CBLN2: variants seen among roughly 807,000 people sequenced by gnomAD.
CBLN2 encodes cerebellin 2 precursor, also known as cerebellin-2.
Under a neutral mutation model 15.0 loss-of-function variants are expected in CBLN2, and 7 were observed. The observed-to-expected ratio is 0.47, with a 90% CI of 0.27 to 0.88. The LOEUF is 0.88. CBLN2 is among the 40% of genes least tolerant of loss of function. The pLI, the probability that CBLN2 is intolerant of heterozygous loss-of-function variation, is 0.14. For synonymous variants in CBLN2, 149 were observed against 135.2 expected (o/e 1.10, Z -0.71); for missense variants, 242 against 304.5 (o/e 0.79, Z 1.53).
At chr18:72,541,677 A>G in intron 3 of CBLN2, 127 bp downstream of exon 3, 2 of 661,330 alleles carry the variant, frequency 3.0e-6, no homozygotes, top group Non-Finnish European at 4.9e-6. Flanking sequence ...GAAAGAGACT[A>G]GCAGGGCAGA....
chr18:72,606,018 G>T (rs2069581212), intron 1 of CBLN2, among the ~76,000 whole-genome samples: 1 of 152,196 alleles, frequency 6.6e-6, no homozygotes, highest in African/African-American at 2.4e-5. Context: ...CAATGTGGTT[G>T]ATGATGTGGA....
intron 1 of CBLN2, among the ~76,000 whole-genome samples, chr18:72,611,924 A>G (rs1330939773): frequency 1.3e-5 from 2 of 152,118 alleles, no homozygotes; most frequent in East Asian, 3.9e-4. Flanking sequence ...GGATATGGTG[A>G]GAGATAAAGA....
rs1938905530 is a variant in CBLN2 at position 72,542,184 on chromosome 18, C to T, written c.-24G>A. 8.3e-7 allele frequency: 1 copy of T among 1,207,812 alleles called. No homozygotes were observed. The highest frequency in any genetic ancestry group is 4.4e-5 in the Admixed American group (1 of 22,726). 74.8% of individuals were successfully genotyped at this position (1,207,812 alleles called of 1,614,324 possible). A position where few individuals can be genotyped will look rare whatever the true frequency, so the allele number is the denominator to read the frequency against. On this transcript the variant is annotated 5_prime_UTR_variant, in exon 3 of 5. Transcript: ENST00000269503. ...ATCGGGACTGGTGGGAGGCGGCGCG[C>T]GGGGGTGGAGGCCGGCGCCGGCGCG...
intron 1 of CBLN2, among the ~76,000 whole-genome samples, chr18:72,594,259 T>C (rs918166658): frequency 2.0e-5 from 3 of 152,164 alleles, no homozygotes; most frequent in African/African-American, 7.2e-5. Context: ...TCTGCACATG[T>C]ATCCCAGAAC....
chr18:72,562,936 T>G (rs2069271014), intron 1 of CBLN2, among the ~76,000 whole-genome samples: 1 of 152,256 alleles, frequency 6.6e-6, no homozygotes, highest in South Asian at 2.1e-4. Context: ...TCTAGGATAT[T>G]GAACCTAGAA....
chr18:72,539,562 T>C (rs970359192), intron 3 of CBLN2: 1 of 152,324 alleles, frequency 6.6e-6, no homozygotes, highest in African/African-American at 2.4e-5. Context: ...CTTAAGCTAA[T>C]GGGAACTCTA....
intron 1 of CBLN2, among the ~76,000 whole-genome samples, chr18:72,598,447 C>T (rs762472206): frequency 1.1e-4 from 17 of 152,228 alleles, no homozygotes; most frequent in Non-Finnish European, 2.4e-4. Flanking sequence ...CTTTCCTATC[C>T]TCTTTCCTCT....
At chr18:72,597,195 A>G (rs1232259793) in intron 1 of CBLN2, among the ~76,000 whole-genome samples, 1 of 152,128 alleles carries the variant, frequency 6.6e-6, no homozygotes, top group African/African-American at 2.4e-5. Flanking sequence ...ATGTATTTGA[A>G]GTGACTCCAT....
At chr18:72,579,357 A>T (rs1013627616) in intron 1 of CBLN2, among the ~76,000 whole-genome samples, 1 of 152,344 alleles carries the variant, frequency 6.6e-6, no homozygotes, top group Non-Finnish European at 1.5e-5. Context: ...CTTTTAGATA[A>T]GCTTTTAATA....
chr18:72,616,351 G>T (rs2069662042), intron 1 of CBLN2, among the ~76,000 whole-genome samples: 3 of 152,054 alleles, frequency 2.0e-5, no homozygotes, highest in Admixed American at 2.0e-4. Flanking sequence ...TCCTTAATTG[G>T]TGCATTTTTT....
At chr18:72,555,135 T>TA (rs531715316) in intron 1 of CBLN2, among the ~76,000 whole-genome samples, 1 of 147,934 alleles carries the variant, frequency 6.8e-6, no homozygotes, top group East Asian at 2.0e-4. Flanking sequence ...ATTCTGTCTT[T>TA]AAAAAAAGAA....
chr18:72,609,552 G>A (rs999406944), intron 1 of CBLN2, among the ~76,000 whole-genome samples: 1 of 152,072 alleles, frequency 6.6e-6, no homozygotes, highest in South Asian at 2.1e-4. Flanking sequence ...CCAGACTGTG[G>A]TACTTTGTTA....
At chr18:72,593,065 T>C (rs1409695275) in intron 1 of CBLN2, among the ~76,000 whole-genome samples, 6 of 152,192 alleles carry the variant, frequency 3.9e-5, no homozygotes, top group Admixed American at 2.0e-4. Context: ...ATTGAATCTG[T>C]AGACTGCTTT....
At chr18:72,578,882 T>C (rs962824019) in intron 1 of CBLN2, among the ~76,000 whole-genome samples, 39 of 152,330 alleles carry the variant, frequency 2.6e-4, no homozygotes, top group African/African-American at 8.9e-4. Context: ...AACTTTCCTT[T>C]TTCCTCCTGA....
chr18:72,556,291 A>G (rs2069226535), intron 1 of CBLN2, among the ~76,000 whole-genome samples: 1 of 152,236 alleles, frequency 6.6e-6, no homozygotes, highest in Non-Finnish European at 1.5e-5. Flanking sequence ...GGGAGATAGG[A>G]TAACTCTTCC....
chr18:72,587,498 A>G (rs895403810), intron 1 of CBLN2, among the ~76,000 whole-genome samples: 4 of 151,674 alleles, frequency 2.6e-5, no homozygotes, highest in African/African-American at 9.7e-5. Flanking sequence ...TTAACTATAA[A>G]GAAAGTAGGT....
chr18:72,617,820 G>A (rs1243220314), intron 1 of CBLN2, among the ~76,000 whole-genome samples: 2 of 152,106 alleles, frequency 1.3e-5, no homozygotes, highest in East Asian at 3.9e-4. Context: ...TCAGTTAGTA[G>A]TAATAGTGGA....
intron 1 of CBLN2, among the ~76,000 whole-genome samples, chr18:72,598,908 A>G (rs917380467): frequency 2.6e-5 from 4 of 152,208 alleles, no homozygotes; most frequent in African/African-American, 9.7e-5. Context: ...TTTCCATGCC[A>G]CATGGTCACT....
intron 1 of CBLN2, among the ~76,000 whole-genome samples, chr18:72,584,547 C>T (rs1244841783): frequency 6.6e-6 from 1 of 151,852 alleles, no homozygotes; most frequent in Admixed American, 6.6e-5. Flanking sequence ...CATGATCCAC[C>T]CACCTCAGCC....
Sources: allele counts gnomAD v4.1 joint callset (sites outside exome capture counted in the v4.1 genomes callset), GRCh38; gene constraint gnomAD v4.1.1; transcripts MANE v1.5; gene names NCBI Gene and HGNC (gene_info 2026-07-23, HGNC 2026-07-21).